PCCA: variants seen among roughly 807,000 people sequenced by gnomAD.
PCCA encodes propionyl-CoA carboxylase alpha chain, mitochondrial.
A neutral mutation model predicts 101.3 loss-of-function variants in PCCA; 74 were observed. The observed-to-expected ratio is 0.73, with a 90% CI of 0.61 to 0.89. The LOEUF is 0.89. PCCA is among the 40% of genes least tolerant of loss of function. The pLI, the probability that PCCA is intolerant of heterozygous loss-of-function variation, is 0.00. For synonymous variants in PCCA, 294 were observed against 313.6 expected (o/e 0.94, Z 0.66); for missense variants, 891 against 907.0 (o/e 0.98, Z 0.23).
intron 21 of PCCA, among the ~76,000 whole-genome samples, chr13:100,450,769 T>C (rs767949270): frequency 1.4e-4 from 22 of 152,232 alleles, no homozygotes; most frequent in Non-Finnish European, 1.3e-4. Flanking sequence ...AGGTACTTGG[T>C]CAATGTAACC....
At chr13:100,513,571 A>G (rs1447692652) in intron 21 of PCCA, among the ~76,000 whole-genome samples, 3 of 152,252 alleles carry the variant, frequency 2.0e-5, no homozygotes, top group African/African-American at 7.2e-5. Flanking sequence ...AAATGAAGCT[A>G]AATACAGTCT....
At chr13:100,525,992 C>G (rs1566513339) in intron 22 of PCCA, among the ~76,000 whole-genome samples, 8 of 152,216 alleles carry the variant, frequency 5.3e-5, no homozygotes. Flanking sequence ...CCTGAGTGCT[C>G]AGTCCTAGGT....
At chr13:100,270,780 G>A (rs1373487161) in intron 11 of PCCA, among the ~76,000 whole-genome samples, 1 of 152,142 alleles carries the variant, frequency 6.6e-6, no homozygotes, top group Non-Finnish European at 1.5e-5. Context: ...AGGCTGAGGT[G>A]GGAGGATTGC....
chr13:100,231,450 G>T (rs1463790185), intron 7 of PCCA, among the ~76,000 whole-genome samples: 1 of 152,150 alleles, frequency 6.6e-6, no homozygotes, highest in Admixed American at 6.5e-5. Context: ...ACAGGATCAA[G>T]TATTGAAACC....
chr13:100,509,088 C>T (rs1250226549), intron 21 of PCCA, among the ~76,000 whole-genome samples: 3 of 152,130 alleles, frequency 2.0e-5, no homozygotes, highest in African/African-American at 7.2e-5. Flanking sequence ...ACTAGACTTG[C>T]TAGTTTCTTG....
chr13:100,403,218 T>C lies in PCCA; in HGVS notation c.1747-22415T>C, dbSNP rs138503885. On this transcript the variant is annotated intron_variant, in intron 19 of 23. Transcript: ENST00000376285. ...AAAGAGTTCACATTCAGCTTAGAAG[T>C]TGAGAACAAAATTTGGGGAGATAGA... Among the ~76,000 whole-genome samples the C allele has an allele frequency of 3.4e-4, 52 of 152,120 alleles. 1 individual carries two copies. In the East Asian group the frequency reaches 0.01, roughly 29 times the overall value.
chr13:100,483,156 T>G lies in PCCA; in HGVS notation c.1900-32271T>G, dbSNP rs1033826824. On this transcript the variant is annotated intron_variant, in intron 21 of 23. Coordinates refer to ENST00000376285, the MANE Select transcript of PCCA (RefSeq NM_000282.4). The stretch of plus-strand genomic sequence containing the variant: ...GGGAGGAAAAGCCACGTTTTACTTT[T>G]ATAATTTTTATTCCATCATTAAAAG... Among the ~76,000 whole-genome samples the G allele has an allele frequency of 3.9e-5, 6 of 152,306 alleles. No individual in the cohort carries two copies. The South Asian group carries it at 8.3e-4, about 21-fold the overall frequency.
chr13:100,094,311 G>T (rs966372839), intron 1 of PCCA, among the ~76,000 whole-genome samples: 2 of 151,714 alleles, frequency 1.3e-5, no homozygotes, highest in Non-Finnish European at 1.5e-5. Context: ...TAGTAGCATG[G>T]TAAAGTGTTA....
At chr13:100,295,666 G>A (rs1428457629) in intron 12 of PCCA, among the ~76,000 whole-genome samples, 10 of 152,140 alleles carry the variant, frequency 6.6e-5, no homozygotes, top group Non-Finnish European at 1.5e-5. Flanking sequence ...CACTGATGTT[G>A]GTTATACTTA....
intron 21 of PCCA, among the ~76,000 whole-genome samples, chr13:100,480,515 C>A (rs2083811112): frequency 6.6e-6 from 1 of 152,196 alleles, no homozygotes. Context: ...CTGGTCTCTG[C>A]TTTCTTTTTA....
intron 21 of PCCA, among the ~76,000 whole-genome samples, chr13:100,495,222 T>C (rs2085191673): frequency 6.6e-6 from 1 of 152,126 alleles, no homozygotes. Context: ...GGGAAACTTG[T>C]CCACATTACC....
chr13:100,302,771 C>T (rs1341336523), intron 13 of PCCA, among the ~76,000 whole-genome samples, 153 bp from the exon 14 acceptor site: 1 of 152,036 alleles, frequency 6.6e-6, no homozygotes, highest in Admixed American at 6.6e-5. Flanking sequence ...AGTTGTCTAG[C>T]GTAAAAGACA....
At chr13:100,522,665 A>G (rs1353328921) in intron 22 of PCCA, among the ~76,000 whole-genome samples, 1 of 152,224 alleles carries the variant, frequency 6.6e-6, no homozygotes, top group East Asian at 1.9e-4. Flanking sequence ...TATCAGAAAT[A>G]CGACTGCACA....
chr13:100,182,222 G>A (rs1240780654), intron 6 of PCCA, among the ~76,000 whole-genome samples: 1 of 148,664 alleles, frequency 6.7e-6, no homozygotes, highest in Non-Finnish European at 1.5e-5. Context: ...TCAGCCTCCT[G>A]AGTAGCTGGA....
At chr13:100,500,829 T>A (rs1297735663) in intron 21 of PCCA, among the ~76,000 whole-genome samples, 1 of 152,182 alleles carries the variant, frequency 6.6e-6, no homozygotes, top group African/African-American at 2.4e-5. Context: ...CAAGACTGAA[T>A]TTATGCAAAA....
chr13:100,516,934 T>G (rs1402901591), intron 22 of PCCA, among the ~76,000 whole-genome samples: 3 of 152,136 alleles, frequency 2.0e-5, no homozygotes, highest in South Asian at 2.1e-4. Flanking sequence ...ATAAGGGTTT[T>G]GTTTTGTTTT....
chr13:100,230,087 G>A (rs996119463), intron 7 of PCCA, among the ~76,000 whole-genome samples: 1 of 152,210 alleles, frequency 6.6e-6, no homozygotes, highest in African/African-American at 2.4e-5. Context: ...TGTTGATTGC[G>A]TTAATTTGCT....
chr13:100,188,328 AAC>A (rs201319896), intron 6 of PCCA, among the ~76,000 whole-genome samples: 1 of 146,476 alleles, frequency 6.8e-6, no homozygotes, highest in African/African-American at 2.5e-5. Context: ...ACAAAACAAA[AAC>A]ACAAAGAAAG....
At chr13:100,485,363 C>T (rs1269511314) in intron 21 of PCCA, among the ~76,000 whole-genome samples, 1 of 152,202 alleles carries the variant, frequency 6.6e-6, no homozygotes, top group African/African-American at 2.4e-5. Flanking sequence ...GCAAGGTGCT[C>T]TGCAAGTTTC....
Sources: allele counts gnomAD v4.1 joint callset (sites outside exome capture counted in the v4.1 genomes callset), GRCh38; gene constraint gnomAD v4.1.1; transcripts MANE v1.5; gene names NCBI Gene and HGNC (gene_info 2026-07-23, HGNC 2026-07-21).